Variants in NMT2 observed in about 807,000 individuals in gnomAD.
NMT2 encodes the protein N-myristoyltransferase 2, also known as glycylpeptide N-tetradecanoyltransferase 2.
NMT2 carries 35 observed loss-of-function variants against 65.4 expected under a neutral mutation model. The ratio of observed to expected loss-of-function variants is 0.54; its 90% CI spans 0.41 to 0.71. The LOEUF (loss-of-function observed/expected upper bound fraction) is 0.71. Ranked by LOEUF, NMT2 falls within the 30% of genes least tolerant of loss-of-function variation. NMT2 has a pLI of 0.00. For missense variants in NMT2, 489 were observed against 611.3 expected (o/e 0.80, Z 2.11); for synonymous variants, 226 against 231.8 (o/e 0.98, Z 0.23).
At chr10:15,110,396 C>T (rs576764713) in intron 10 of NMT2, among the ~76,000 whole-genome samples, 4 of 152,240 alleles carry the variant, frequency 2.6e-5, no homozygotes, top group South Asian at 4.1e-4. Context: ...GGGAGGCTCA[C>T]TGGAGCCCAG....
chr10:15,148,844 A>C (rs1238068431), intron 1 of NMT2, among the ~76,000 whole-genome samples: 2 of 152,230 alleles, frequency 1.3e-5, no homozygotes, highest in African/African-American at 4.8e-5. Context: ...GAATGGGCTG[A>C]CAATATGAAT....
rs749736154 is a variant in NMT2, at chr10:15,130,384, A to T, written c.720-72T>A. ...AATGAAGAGTCAACACATTTTAAAA[A>T]ATAAGATGATACCCAGGAAATATCC... On this transcript the variant is annotated intron_variant, in intron 6 of 11. Transcript: ENST00000378165. The T allele has an allele frequency of 4.4e-6, 5 of 1,129,602 alleles. No individual in the cohort carries two copies. In the Admixed American group the frequency reaches 8.4e-5, roughly 19 times the overall value. 70.0% of individuals were successfully genotyped at this position (1,129,602 alleles called of 1,614,324 possible). A position where few individuals can be genotyped will look rare whatever the true frequency, so the allele number is the denominator to read the frequency against.
chr10:15,140,163 G>A (rs1040388630), intron 2 of NMT2, among the ~76,000 whole-genome samples: 7 of 151,856 alleles, frequency 4.6e-5, no homozygotes, highest in African/African-American at 9.6e-5. Context: ...GGTCTCTGTC[G>A]CCAGGCTGCA....
chr10:15,132,629 T>C (rs574274452), intron 6 of NMT2, among the ~76,000 whole-genome samples, 188 bp downstream of exon 6: 1 of 152,116 alleles, frequency 6.6e-6, no homozygotes. Flanking sequence ...GTTTCACCCA[T>C]GTTGACCAGG....
rs548175321 is a variant in NMT2, at chr10:15,133,482, G to T, written c.392-119C>A. On this transcript the variant is annotated intron_variant, in intron 3 of 11. Coordinates refer to ENST00000378165, the MANE Select transcript of NMT2 (RefSeq NM_004808.3). ...GCAAAATCTGACTTAGGGCCCTCGG[G>T]TTTCAGATAATCTTTAAAAAGATGC... 10 of 722,806 alleles carry T rather than the reference G, an allele frequency of 1.4e-5. No individual in the cohort carries two copies. The East Asian group carries it at 2.5e-4, about 18-fold the overall frequency. 44.8% of individuals were successfully genotyped at this position (722,806 alleles called of 1,614,324 possible).
chr10:15,168,375 ACGG>A (rs1186261431), intron 1 of NMT2, 125 bp downstream of exon 1: 1 of 503,192 alleles, frequency 2.0e-6, no homozygotes, highest in African/African-American at 2.2e-5. Flanking sequence ...GCTCCGCGCC[ACGG>A]AGAAGCCATC....
chr10:15,143,592 C>T (rs762179007), intron 1 of NMT2, among the ~76,000 whole-genome samples: 1 of 152,234 alleles, frequency 6.6e-6, no homozygotes, highest in Non-Finnish European at 1.5e-5. Flanking sequence ...CATGGTGGCT[C>T]ACGCCTATAA....
chr10:15,143,347 G>A (rs2131583190), intron 1 of NMT2, among the ~76,000 whole-genome samples: 1 of 152,296 alleles, frequency 6.6e-6, no homozygotes, highest in South Asian at 2.1e-4. Flanking sequence ...CTTCTACCAT[G>A]TATTCTAACT....
chr10:15,130,390 A>G, intron 6 of NMT2, 78 bp from the exon 7 acceptor site: 4 of 1,065,282 alleles, frequency 3.8e-6, no homozygotes, highest in Non-Finnish European at 5.2e-6. Flanking sequence ...AAAAAATAAG[A>G]TGATACCCAG....
At chr10:15,127,546 C>CAAAAAAAAAAAAAAAAAAAAAAAAA (rs1239422956) in intron 8 of NMT2, among the ~76,000 whole-genome samples, 1 of 51,366 alleles carries the variant, frequency 1.9e-5, no homozygotes, top group African/African-American at 4.9e-5. Context: ...GACTCCGTCT[C>CAAAAAAAAAAAAAAAAAAAAAAAAA]AAAAAAAAAA....
intron 8 of NMT2, among the ~76,000 whole-genome samples, chr10:15,126,361 G>A (rs543188017): frequency 9.2e-5 from 14 of 151,544 alleles, no homozygotes; most frequent in East Asian, 3.9e-4. Flanking sequence ...CTCAGGAGGC[G>A]GAGATTGCAA....
Position 15,119,879 on chromosome 10 carries a change from G to A in NMT2, c.1000-366C>T, listed in dbSNP as rs80161578. 8.2e-4 allele frequency among the ~76,000 whole-genome samples: 125 copies of A among 152,256 alleles called. 1 individual carries two copies. Among genetic ancestry groups the A allele is most frequent in the African/African-American group, 2.9e-3 (119 of 41,560 alleles). On this transcript the variant is annotated intron_variant, in intron 8 of 11. Transcript: ENST00000378165. The stretch of plus-strand genomic sequence containing the variant: ...ACGCCAATACCCAAAACACACCAAT[G>A]TATATACCAATGCCAAGAATGTTAA...
At chr10:15,147,592 T>A (rs545687274) in intron 1 of NMT2, among the ~76,000 whole-genome samples, 1 of 152,018 alleles carries the variant, frequency 6.6e-6, no homozygotes, top group Non-Finnish European at 1.5e-5. Flanking sequence ...ACTGAATTCC[T>A]ATATGCAGAA....
At chr10:15,138,600 G>A (rs1371757957) in intron 2 of NMT2, among the ~76,000 whole-genome samples, 1 of 152,066 alleles carries the variant, frequency 6.6e-6, no homozygotes, top group East Asian at 1.9e-4. Flanking sequence ...TTTACCCATT[G>A]TTTTCCAAAT....
chr10:15,133,292 G>A lies in NMT2; in HGVS notation c.463C>T (p.Pro155Ser). ...AAAGTGTCCCACATAAAACCCTGTG[G>A]CAAAGAATACGGTTCTTGGCGTACG... ...DNVRQEPYSL[P>S]QGFMWDTLDL... is the part of the protein sequence containing the mutation. Residue 155 changes from proline (P) to serine (S), a missense_variant, in exon 4 of 12, where the codon CCA (proline) becomes TCA (serine). Physicochemically the swap from Pro to Ser is moderately conservative, Grantham distance 74. Coordinates refer to ENST00000378165, the MANE Select transcript of NMT2 (RefSeq NM_004808.3). The A allele has an allele frequency of 1.2e-6, 2 of 1,614,154 alleles. No individual in the cohort carries two copies. The highest frequency in any genetic ancestry group is 1.7e-6 in the Non-Finnish European group (2 of 1,180,012).
chr10:15,128,195 C>T (rs1470842011), intron 8 of NMT2, among the ~76,000 whole-genome samples, 155 bp downstream of exon 8: 1 of 152,228 alleles, frequency 6.6e-6, no homozygotes, highest in East Asian at 1.9e-4. Context: ...AACTCCCTAC[C>T]TTCCCTAGCT....
intron 1 of NMT2, among the ~76,000 whole-genome samples, chr10:15,141,777 A>G (rs1292505716): frequency 3.3e-5 from 5 of 152,242 alleles, no homozygotes; most frequent in African/African-American, 4.8e-5. Flanking sequence ...GCAGGTGCTT[A>G]GAAGTCACGA....
chr10:15,144,227 TACA>T (rs1589340935), intron 1 of NMT2, among the ~76,000 whole-genome samples: 1 of 152,310 alleles, frequency 6.6e-6, no homozygotes, highest in East Asian at 1.9e-4. Context: ...GACAGGGAGC[TACA>T]GAAATGGGCA....
Position 15,107,272 on chromosome 10 carries a change from TACACAA to T in NMT2, c.*1917_*1922del. ...ATAAAAACATTCTTAGCCTGTGGGC[TACACAA>T]AAATAAGCAATGGGCTGGATTTAGC... is the stretch of plus-strand genomic sequence containing the variant. On this transcript the variant is annotated 3_prime_UTR_variant, in exon 12 of 12. Transcript: ENST00000378165. 3 of 879,524 alleles carry T rather than the reference TACACAA, an allele frequency of 3.4e-6. No homozygotes were observed. Among genetic ancestry groups the T allele is most frequent in the Non-Finnish European group, 4.1e-6 (3 of 733,422 alleles). 54.5% of individuals were successfully genotyped at this position (879,524 alleles called of 1,614,324 possible).
Sources: allele counts gnomAD v4.1 joint callset (sites outside exome capture counted in the v4.1 genomes callset), GRCh38; gene constraint gnomAD v4.1.1; transcripts MANE v1.5; gene names NCBI Gene and HGNC (gene_info 2026-07-23, HGNC 2026-07-21).